Variants in SETX observed in about 807,000 individuals in gnomAD.
SETX encodes the protein helicase senataxin.
Under a neutral mutation model 227.2 loss-of-function variants are expected in SETX, and 90 were observed. That is an observed-to-expected ratio of 0.40 (90% CI 0.33 to 0.47). The LOEUF is 0.47. Ranked by LOEUF, SETX falls within the 20% of genes least tolerant of loss-of-function variation. SETX has a pLI of 0.91. For synonymous variants in SETX, 1,210 were observed against 1,113.2 expected (o/e 1.09, Z -1.73); for missense variants, 3,052 against 3,181.5 (o/e 0.96, Z 0.98).
chr9:132,278,844 G>A (rs1415531804), intron 20 of SETX, among the ~76,000 whole-genome samples: 1 of 152,158 alleles, frequency 6.6e-6, no homozygotes, highest in Non-Finnish European at 1.5e-5. Context: ...CAAGCCTTTT[G>A]AAGACAAAAT....
chr9:132,288,961 G>A (rs1844108619), intron 15 of SETX, among the ~76,000 whole-genome samples: 1 of 152,098 alleles, frequency 6.6e-6, no homozygotes, highest in Non-Finnish European at 1.5e-5. Context: ...ATGTTCAGTA[G>A]GACATTCCAT....
chr9:132,322,950 G>A (rs7047766), intron 10 of SETX, among the ~76,000 whole-genome samples: 17,604 of 151,996 alleles, frequency 0.12, 1,557 homozygotes, highest in East Asian at 0.42. Context: ...AGGATTCAAC[G>A]GACTTAGGAG....
intron 6 of SETX, among the ~76,000 whole-genome samples, chr9:132,335,185 T>A (rs192494603): frequency 1.6e-3 from 239 of 151,648 alleles, no homozygotes; most frequent in Middle Eastern, 6.8e-3. Flanking sequence ...AGTCAGGAGA[T>A]CGAGACCATC....
At chr9:132,294,436 G>C (rs772259227) in intron 15 of SETX, among the ~76,000 whole-genome samples, 2 of 152,220 alleles carry the variant, frequency 1.3e-5, no homozygotes, top group African/African-American at 4.8e-5. Context: ...ATGAGTGACT[G>C]CAGCTATTCA....
intron 11 of SETX, among the ~76,000 whole-genome samples, chr9:132,302,985 A>G (rs1000975592): frequency 3.3e-5 from 5 of 152,134 alleles, no homozygotes; most frequent in Non-Finnish European, 7.4e-5. Flanking sequence ...TTTAACAAGT[A>G]ACACTAAAAC....
At chr9:132,342,851 T>A in intron 4 of SETX, 52 bp from the exon 5 acceptor site, 1 of 1,342,052 alleles carries the variant, frequency 7.5e-7, no homozygotes, top group South Asian at 1.2e-5. Context: ...CTTATCAAGA[T>A]TCCCTAAATT....
In SETX at chr9:132,262,747, G is replaced by C. The variant is rs899429593; in HGVS notation, c.*1492C>G. ...AAGCTCTTTATAATCTGCTCAAGTAGAATTTCTAACACAAAACCCTTTTTT... is the reference window on the plus strand; with the variant it reads ...AAGCTCTTTATAATCTGCTCAAGTACAATTTCTAACACAAAACCCTTTTTT... On this transcript the variant is annotated 3_prime_UTR_variant, in exon 26 of 26. Coordinates refer to ENST00000224140, the MANE Select transcript of SETX (RefSeq NM_015046.7). The C allele has an allele frequency of 6.6e-6, 1 of 152,606 alleles. No individual in the cohort carries two copies. Among genetic ancestry groups the C allele is most frequent in the African/African-American group, 2.4e-5 (1 of 41,426 alleles). 9.5% of individuals were successfully genotyped at this position (152,606 alleles called of 1,614,324 possible). A position where few individuals can be genotyped will look rare whatever the true frequency, so the allele number is the denominator to read the frequency against.
chr9:132,347,047 G>A (rs1160434413), intron 3 of SETX, among the ~76,000 whole-genome samples: 1 of 151,934 alleles, frequency 6.6e-6, no homozygotes, highest in Non-Finnish European at 1.5e-5. Flanking sequence ...CTGAGGTCGG[G>A]AGTTCAGAAC....
intron 2 of SETX, among the ~76,000 whole-genome samples, chr9:132,353,058 G>A (rs1398249533): frequency 1.3e-5 from 2 of 152,032 alleles, no homozygotes; most frequent in African/African-American, 4.8e-5. Flanking sequence ...TTCTTTGATC[G>A]CCATCAATTC....
intron 4 of SETX, among the ~76,000 whole-genome samples, chr9:132,345,927 G>A (rs1037555899): frequency 6.6e-6 from 1 of 152,142 alleles, no homozygotes; most frequent in African/African-American, 2.4e-5. Context: ...GCTCAGGCAG[G>A]AGTATTACTT....
At chr9:132,353,423 T>C (rs1040747678) in intron 2 of SETX, among the ~76,000 whole-genome samples, 3 of 152,022 alleles carry the variant, frequency 2.0e-5, no homozygotes, top group Admixed American at 1.3e-4. Flanking sequence ...GTTTCCCTTT[T>C]AAAGAACTCC....
At chr9:132,280,171 A>C (rs1048170340) in intron 20 of SETX, among the ~76,000 whole-genome samples, 2 of 152,258 alleles carry the variant, frequency 1.3e-5, no homozygotes, top group Non-Finnish European at 2.9e-5. Context: ...CTTTCACTGT[A>C]ATTACCACTA....
intron 23 of SETX, among the ~76,000 whole-genome samples, chr9:132,273,750 A>C (rs1181288100): frequency 6.6e-6 from 1 of 152,028 alleles, no homozygotes; most frequent in Admixed American, 6.5e-5. Flanking sequence ...ATGAAGAGAG[A>C]GTTTTACTTT....
chr9:132,268,227 T>C (rs1842737245), intron 25 of SETX, among the ~76,000 whole-genome samples: 1 of 152,232 alleles, frequency 6.6e-6, no homozygotes, highest in African/African-American at 2.4e-5. Flanking sequence ...AGAGGTTGCA[T>C]GCACCCTTCA....
chr9:132,326,102 C>G (rs963403708), intron 10 of SETX, among the ~76,000 whole-genome samples: 2 of 151,916 alleles, frequency 1.3e-5, no homozygotes, highest in Non-Finnish European at 2.9e-5. Context: ...GAGTCTCACT[C>G]TGCCGCCCAG....
rs1252184864 is a variant in SETX, at chr9:132,326,961, CCACT to C, written c.4633_4636del (p.Ser1545AlafsTer26). The stretch of plus-strand genomic sequence containing the variant: ...ACAATCTTTGTACTTACACTTTGTG[CCACT>C]CAAAGATTCCAACTGAGGCCGACTT... On this transcript the variant is annotated frameshift_variant, in exon 10 of 26. Transcript: ENST00000224140. LOFTEE classifies it high-confidence loss of function. 9 of 1,614,062 alleles carry C rather than the reference CCACT, an allele frequency of 5.6e-6. No individual in the cohort carries two copies. The highest frequency in any genetic ancestry group is 4.0e-5 in the African/African-American group (3 of 74,924).
intron 19 of SETX, 94 bp downstream of exon 19, chr9:132,283,170 A>G: frequency 1.3e-6 from 2 of 1,533,698 alleles, no homozygotes; most frequent in Non-Finnish European, 1.8e-6. Context: ...CAAAAAAAAA[A>G]AACACATTTC....
At chr9:132,351,330 G>C (rs1187114516) in intron 2 of SETX, among the ~76,000 whole-genome samples, 1 of 152,138 alleles carries the variant, frequency 6.6e-6, no homozygotes, top group African/African-American at 2.4e-5. Flanking sequence ...ATAAAATGTT[G>C]CATACTTCTT....
At chr9:132,281,330 C>T (rs1843488620) in intron 20 of SETX, 137 bp downstream of exon 20, 3 of 670,638 alleles carry the variant, frequency 4.5e-6, no homozygotes, top group Admixed American at 2.5e-5. Context: ...TTATTAAGTG[C>T]TTCTCTTTTC....
Sources: allele counts gnomAD v4.1 joint callset (sites outside exome capture counted in the v4.1 genomes callset), GRCh38; gene constraint gnomAD v4.1.1; transcripts MANE v1.5; gene names NCBI Gene and HGNC (gene_info 2026-07-23, HGNC 2026-07-21).